The following VOPP1 variants were observed in gnomAD, a reference collection of about 807,000 sequenced individuals.
VOPP1 encodes VOPP1 WW domain binding protein.
A neutral mutation model predicts 23.5 loss-of-function variants in VOPP1; 8 were observed. That is an observed-to-expected ratio of 0.34 (90% confidence interval 0.20 to 0.61). The LOEUF is 0.61. VOPP1 is among the 20% of genes least tolerant of loss of function. The pLI, the probability that VOPP1 is intolerant of heterozygous loss-of-function variation, is 0.78. For missense variants in VOPP1, 174 were observed against 238.1 expected, an observed-to-expected ratio of 0.73 and a Z score of 1.77; for synonymous variants, 83 against 97.3, an observed-to-expected ratio of 0.85 and a Z score of 0.86.
In VOPP1 at chr7:55,538,279, C is replaced by T. The variant is rs571562283; in HGVS notation, c.55-17149G>A. Among the ~76,000 whole-genome samples, 23 of 152,348 alleles carry T rather than the reference C, an allele frequency of 1.5e-4. No individual in the cohort carries two copies. The South Asian group carries it at 4.8e-3, about 32-fold the overall frequency. On this transcript the variant is annotated intron_variant, in intron 1 of 4. Coordinates refer to ENST00000285279, the MANE Select transcript of VOPP1 (RefSeq NM_030796.5). ...GCAGTCCGCACTTAGGAACTCTCTT[C>T]TCCAACTGAGCTACACTCTCTGGTC...
chr7:55,490,120 C>T (rs1366004704), intron 4 of VOPP1, among the ~76,000 whole-genome samples: 1 of 152,086 alleles, frequency 6.6e-6, no homozygotes, highest in Non-Finnish European at 1.5e-5. Context: ...TGGACTTACA[C>T]TGTGAGCCAG....
intron 1 of VOPP1, among the ~76,000 whole-genome samples, chr7:55,528,692 A>AT (rs1285447807): frequency 3.3e-5 from 5 of 152,048 alleles, no homozygotes; most frequent in African/African-American, 1.2e-4. Flanking sequence ...CTCAAAAAAA[A>AT]AAAAGAAAAA....
chr7:55,465,384 G>A (rs1173881801), intron 4 of VOPP1, among the ~76,000 whole-genome samples: 17 of 152,068 alleles, frequency 1.1e-4, no homozygotes, highest in Admixed American at 1.0e-3. Flanking sequence ...AGACAAGAAC[G>A]GTAGGTGATG....
chr7:55,562,880 C>A (rs769170543), intron 1 of VOPP1, among the ~76,000 whole-genome samples: 5 of 152,130 alleles, frequency 3.3e-5, no homozygotes, highest in Admixed American at 6.5e-5. Context: ...GTTTCAAATT[C>A]TTTGCTTTCA....
At chr7:55,497,329 G>A (rs143352730) in intron 3 of VOPP1, among the ~76,000 whole-genome samples, 1,681 of 152,296 alleles carry the variant, frequency 0.011, 11 homozygotes, top group Middle Eastern at 0.02. Flanking sequence ...GAAACTGGCC[G>A]AGGAGCTGCT....
chr7:55,538,354 C>G (rs1796932030), intron 1 of VOPP1, among the ~76,000 whole-genome samples: 1 of 152,198 alleles, frequency 6.6e-6, no homozygotes, highest in Non-Finnish European at 1.5e-5. Flanking sequence ...GTCTGCAAAG[C>G]ATTATGAAGC....
intron 2 of VOPP1, among the ~76,000 whole-genome samples, chr7:55,519,248 T>C (rs144947963): frequency 6.6e-6 from 1 of 152,306 alleles, no homozygotes; most frequent in East Asian, 1.9e-4. Flanking sequence ...GAAAGGAAAC[T>C]GGGCCACAGG....
At chr7:55,517,245 G>A (rs969924241) in intron 2 of VOPP1, among the ~76,000 whole-genome samples, 3 of 151,400 alleles carry the variant, frequency 2.0e-5, no homozygotes, top group South Asian at 2.1e-4. Flanking sequence ...AACCGTGCCC[G>A]GCCTAATTTA....
At chr7:55,477,364 C>G (rs922543070) in intron 4 of VOPP1, among the ~76,000 whole-genome samples, 4 of 152,196 alleles carry the variant, frequency 2.6e-5, no homozygotes, top group African/African-American at 9.7e-5. Flanking sequence ...GAAGGGGGGA[C>G]GAGTGGCGAC....
chr7:55,563,982 G>C (rs1369324448), intron 1 of VOPP1, among the ~76,000 whole-genome samples: 1 of 152,170 alleles, frequency 6.6e-6, no homozygotes, highest in Non-Finnish European at 1.5e-5. Context: ...GAGAATTCCT[G>C]AAGAAATTCT....
intron 1 of VOPP1, among the ~76,000 whole-genome samples, chr7:55,556,431 C>G (rs1305794942): frequency 6.6e-6 from 1 of 152,152 alleles, no homozygotes; most frequent in Non-Finnish European, 1.5e-5. Flanking sequence ...AATAAAGACA[C>G]ATTACTTAGG....
intron 1 of VOPP1, among the ~76,000 whole-genome samples, chr7:55,564,266 T>TCTCTCTCTCTCTCTCA (rs1798088066): frequency 6.6e-6 from 1 of 150,430 alleles, no homozygotes; most frequent in South Asian, 2.1e-4. Context: ...TCTCTCTCTC[T>TCTCTCTCTCTCTCTCA]CGCTCGCTTG....
chr7:55,440,657 C>T (rs1296141125), intron 4 of VOPP1, among the ~76,000 whole-genome samples: 2 of 152,206 alleles, frequency 1.3e-5, no homozygotes, highest in African/African-American at 2.4e-5. Context: ...CCTCTTGCCC[C>T]AGGTCTGCCT....
intron 3 of VOPP1, among the ~76,000 whole-genome samples, chr7:55,494,174 C>T (rs994122976): frequency 7.2e-5 from 11 of 152,136 alleles, no homozygotes; most frequent in East Asian, 1.9e-4. Context: ...TTAATGTGCT[C>T]GGCATCAAGA....
intron 4 of VOPP1, among the ~76,000 whole-genome samples, chr7:55,478,972 C>T (rs558704750): frequency 6.6e-6 from 1 of 152,128 alleles, no homozygotes; most frequent in Non-Finnish European, 1.5e-5. Flanking sequence ...GCAGCAGGGG[C>T]CCATGGAAGG....
At chr7:55,477,507 C>T (rs895151037) in intron 4 of VOPP1, among the ~76,000 whole-genome samples, 1 of 152,150 alleles carries the variant, frequency 6.6e-6, no homozygotes, top group Non-Finnish European at 1.5e-5. Flanking sequence ...TGGCTCCTGT[C>T]GAGGGGAGGA....
intron 4 of VOPP1, among the ~76,000 whole-genome samples, chr7:55,486,706 G>C (rs1050144835): frequency 3.9e-5 from 6 of 152,220 alleles, no homozygotes; most frequent in African/African-American, 1.4e-4. Context: ...GAATATTCTG[G>C]TAGCCATGAG....
Position 55,564,264 on chromosome 7 carries a change from T to TCTCTCTCTCTCG in VOPP1, c.54+8006_54+8007insCGAGAGAGAGAG, listed in dbSNP as rs1369462395. On this transcript the variant is annotated intron_variant, in intron 1 of 4. Transcript: ENST00000285279. ...CTCTGTCTCTCTCTCTCTCTCTCTC[T>TCTCTCTCTCTCG]CTCGCTCGCTTGCTCTCTCTCACTC... Among the ~76,000 whole-genome samples the TCTCTCTCTCTCG allele has an allele frequency of 2.8e-4, 42 of 151,048 alleles. 1 individual carries two copies. The highest frequency in any genetic ancestry group is 6.8e-3 in the Middle Eastern group (2 of 294).
chr7:55,447,511 C>T (rs1260172749), intron 4 of VOPP1, among the ~76,000 whole-genome samples: 1 of 152,068 alleles, frequency 6.6e-6, no homozygotes, highest in Non-Finnish European at 1.5e-5. Flanking sequence ...GATGCCGCCA[C>T]CTAAATAAGG....
Sources: allele counts gnomAD v4.1 joint callset (sites outside exome capture counted in the v4.1 genomes callset), GRCh38; gene constraint gnomAD v4.1.1; transcripts MANE v1.5; gene names NCBI Gene and HGNC (gene_info 2026-07-23, HGNC 2026-07-21).